The following NOVA1 variants were observed in gnomAD, a reference collection of about 807,000 sequenced individuals.
The protein encoded by NOVA1 is RNA-binding protein Nova-1.
A neutral mutation model predicts 38.0 loss-of-function variants in NOVA1; 7 were observed. The observed-to-expected ratio is 0.18, with a 90% CI of 0.10 to 0.35. NOVA1 has a LOEUF of 0.35. Among genes scored for constraint, NOVA1 ranks in the 10% least tolerant of loss-of-function variants. NOVA1 has a pLI of 1.00. For synonymous variants in NOVA1, 270 were observed against 232.5 expected (o/e 1.16, Z -1.47); for missense variants, 460 against 616.0 (o/e 0.75, Z 2.68).
chr14:26,552,468 A>C, intron 2 of NOVA1, among the ~76,000 whole-genome samples: 1 of 152,300 alleles, frequency 6.6e-6, no homozygotes, highest in South Asian at 2.1e-4. Flanking sequence ...AAAGTGATAA[A>C]AATTAAAATT....
intron 3 of NOVA1, chr14:26,479,129 G>T (rs372094203): frequency 6.6e-6 from 1 of 151,870 alleles, no homozygotes; most frequent in South Asian, 2.1e-4. Context: ...AATTACTGAA[G>T]AATAATACAT....
intron 4 of NOVA1, among the ~76,000 whole-genome samples, chr14:26,456,608 C>CT (rs1883197415): frequency 6.6e-6 from 1 of 151,882 alleles, no homozygotes; most frequent in Admixed American, 6.6e-5. Flanking sequence ...AAACTATTAT[C>CT]TTTTTCTTTT....
At chr14:26,534,843 C>T (rs910309047) in intron 2 of NOVA1, among the ~76,000 whole-genome samples, 10 of 151,978 alleles carry the variant, frequency 6.6e-5, no homozygotes, top group African/African-American at 1.9e-4. Context: ...AATGTGATGA[C>T]AAAAGCAAAA....
chr14:26,522,043 A>T (rs1888938847), intron 2 of NOVA1, among the ~76,000 whole-genome samples: 2 of 152,114 alleles, frequency 1.3e-5, no homozygotes, highest in African/African-American at 4.8e-5. Flanking sequence ...TTTATTTTTG[A>T]AAATGAAATG....
At chr14:26,486,419 T>C (rs1186028111) in intron 2 of NOVA1, among the ~76,000 whole-genome samples, 1 of 151,832 alleles carries the variant, frequency 6.6e-6, no homozygotes, top group Non-Finnish European at 1.5e-5. Flanking sequence ...TATTAACAAG[T>C]AGGTTCCGGG....
intron 2 of NOVA1, among the ~76,000 whole-genome samples, chr14:26,570,776 G>A (rs908752741): frequency 4.9e-4 from 75 of 152,174 alleles, no homozygotes; most frequent in African/African-American, 1.7e-3. Flanking sequence ...ATATGCTGAA[G>A]CAGAATCTTC....
At chr14:26,452,069 C>T (rs1322625804) in intron 4 of NOVA1, among the ~76,000 whole-genome samples, 1 of 152,130 alleles carries the variant, frequency 6.6e-6, no homozygotes, top group Non-Finnish European at 1.5e-5. Flanking sequence ...TTAATGGAAA[C>T]ATAAATATAA....
chr14:26,533,306 T>G (rs577057528), intron 2 of NOVA1, among the ~76,000 whole-genome samples: 3 of 152,238 alleles, frequency 2.0e-5, no homozygotes, highest in South Asian at 2.1e-4. Flanking sequence ...GAGCCACTTA[T>G]GCATTTTGCG....
intron 2 of NOVA1, among the ~76,000 whole-genome samples, chr14:26,504,104 G>A (rs1887448864): frequency 6.6e-6 from 1 of 152,024 alleles, no homozygotes; most frequent in Non-Finnish European, 1.5e-5. Flanking sequence ...AAAAGTATAA[G>A]TCATTCATAA....
Position 26,470,188 on chromosome 14 carries a change from G to T in NOVA1, c.519+2132C>A, listed in dbSNP as rs559027399. ...CCATTAGTTCTTTTCATTACAATTA[G>T]CTTAAGATGATCATATTAAAACCTA... On this transcript the variant is annotated intron_variant, in intron 4 of 4. Transcript: ENST00000539517. 5 of 934,874 alleles carry T rather than the reference G, an allele frequency of 5.3e-6. No homozygotes were observed. The African/African-American group carries it at 6.6e-5, about 12-fold the overall frequency. 57.9% of individuals were successfully genotyped at this position (934,874 alleles called of 1,614,324 possible).
intron 2 of NOVA1, among the ~76,000 whole-genome samples, chr14:26,558,919 G>C (rs1372051623): frequency 6.6e-6 from 1 of 152,024 alleles, no homozygotes; most frequent in African/African-American, 2.4e-5. Context: ...AAGTAAAACA[G>C]AACACTTCTG....
At chr14:26,457,329 G>A (rs900685798) in intron 4 of NOVA1, among the ~76,000 whole-genome samples, 4 of 151,940 alleles carry the variant, frequency 2.6e-5, no homozygotes, top group Non-Finnish European at 5.9e-5. Context: ...GTTTTCATAG[G>A]TTTTACAGTC....
intron 4 of NOVA1, chr14:26,470,060 T>A (rs1309181559): frequency 1.1e-5 from 5 of 436,440 alleles, no homozygotes; most frequent in African/African-American, 8.2e-5. Context: ...TCATCATTTT[T>A]AAAATAATAA....
chr14:26,594,661 T>C (rs908361283), intron 2 of NOVA1: 1 of 151,434 alleles, frequency 6.6e-6, no homozygotes, highest in Non-Finnish European at 1.5e-5. Context: ...AAGAAAAAAA[T>C]AGAAAAAGAT....
chr14:26,480,046 A>G lies in NOVA1; in HGVS notation c.378T>C (p.Asn126=), dbSNP rs1373628098. Residue 126 remains asparagine, a synonymous_variant, in exon 3 of 5, where the codon AAT becomes AAC. Coordinates refer to ENST00000539517, the MANE Select transcript of NOVA1 (RefSeq NM_002515.3). Reference sequence around the variant, plus strand: ...TGCTGACTGGTTCTGTCTTGGCCACATTTTGGGGCATTTCTCGAATTTTTT... The same window carrying G: ...TGCTGACTGGTTCTGTCTTGGCCACGTTTTGGGGCATTTCTCGAATTTTTT... ...IAEKIREMPQ[N]VAKTEPVSIL... 1 of 1,614,020 alleles carries G rather than the reference A, an allele frequency of 6.2e-7. No individual in the cohort carries two copies. The highest frequency in any genetic ancestry group is 2.2e-5 in the East Asian group (1 of 44,848).
intron 2 of NOVA1, among the ~76,000 whole-genome samples, chr14:26,504,789 A>AT (rs398118002): frequency 6.6e-6 from 1 of 151,672 alleles, no homozygotes; most frequent in Non-Finnish European, 1.5e-5. Flanking sequence ...AAAAAAAAAA[A>AT]TGGCACCAAA....
At chr14:26,476,482 C>T (rs1032021884) in intron 3 of NOVA1, among the ~76,000 whole-genome samples, 2 of 152,166 alleles carry the variant, frequency 1.3e-5, no homozygotes, top group African/African-American at 4.8e-5. Context: ...TCGACTGCAA[C>T]ATAAATGTCC....
chr14:26,597,158 G>C (rs1407687305), intron 1 of NOVA1, 143 bp downstream of exon 1: 1 of 1,195,208 alleles, frequency 8.4e-7, no homozygotes, highest in African/African-American at 1.6e-5. Flanking sequence ...GCGGGGCAGG[G>C]GCGCAGGGGC....
At chr14:26,592,550 A>G (rs1174877944) in intron 2 of NOVA1, among the ~76,000 whole-genome samples, 1 of 151,530 alleles carries the variant, frequency 6.6e-6, no homozygotes, top group Non-Finnish European at 1.5e-5. Context: ...TGAAGAATAC[A>G]TTTTACAATT....
Sources: gnomAD v4.1 joint callset for allele counts (sites outside exome capture counted in the v4.1 genomes callset) on GRCh38, gnomAD v4.1.1 for gene constraint, MANE v1.5 for transcripts, NCBI Gene and HGNC (gene_info 2026-07-23, HGNC 2026-07-21) for gene names.